RIC1: variants seen among roughly 807,000 people sequenced by gnomAD.
RIC1 encodes the protein guanine nucleotide exchange factor subunit RIC1.
In RIC1, 88 loss-of-function variants were observed where a neutral mutation model predicts 169.0. The observed-to-expected ratio is 0.52, with a 90% CI of 0.44 to 0.62. RIC1 has a LOEUF of 0.62. Ranked by LOEUF, RIC1 falls within the 20% of genes least tolerant of loss-of-function variation. RIC1 has a pLI of 0.00. For missense variants in RIC1, 1,877 were observed against 1,725.5 expected (o/e 1.09, Z -1.56); for synonymous variants, 790 against 601.5 (o/e 1.31, Z -4.59).
chr9:5,758,724 T>A (rs1826156624), intron 17 of RIC1, among the ~76,000 whole-genome samples: 2 of 130,244 alleles, frequency 1.5e-5, no homozygotes, highest in African/African-American at 7.3e-5. Context: ...TCTCCCTTCT[T>A]TTTTTTTTTT....
intron 3 of RIC1, among the ~76,000 whole-genome samples, chr9:5,692,047 C>T (rs867549901): frequency 6.6e-6 from 1 of 152,034 alleles, no homozygotes; most frequent in Non-Finnish European, 1.5e-5. Flanking sequence ...GTGTTTGACT[C>T]TATGTGTTAA....
At chr9:5,756,040 C>T (rs376854864) in intron 15 of RIC1, among the ~76,000 whole-genome samples, 172 bp from the exon 16 acceptor site, 3 of 148,890 alleles carry the variant, frequency 2.0e-5, no homozygotes, top group East Asian at 3.9e-4. Flanking sequence ...GCCTAGTCTG[C>T]AAAAATATGT....
chr9:5,649,949 A>G (rs950231363), intron 1 of RIC1, among the ~76,000 whole-genome samples: 2 of 152,132 alleles, frequency 1.3e-5, no homozygotes, highest in Non-Finnish European at 2.9e-5. Context: ...TTAGCCATAT[A>G]TAGCATTAGT....
At chr9:5,764,977 A>G (rs1169894250) in intron 19 of RIC1, 1 of 154,084 alleles carries the variant, frequency 6.5e-6, no homozygotes, top group Non-Finnish European at 1.4e-5. Context: ...CTATTGCCCA[A>G]AGCAAAGATT....
At chr9:5,769,760 C>G (rs1035274460) in intron 22 of RIC1, 1 of 255,068 alleles carries the variant, frequency 3.9e-6, no homozygotes, top group Non-Finnish European at 7.4e-6. Context: ...ATATTGAAAC[C>G]AAAACTTTTA....
At chr9:5,679,519 G>A (rs1820680619) in intron 2 of RIC1, among the ~76,000 whole-genome samples, 1 of 152,130 alleles carries the variant, frequency 6.6e-6, no homozygotes, top group Admixed American at 6.5e-5. Flanking sequence ...ATTTCATTGG[G>A]CAGTGCTTTG....
chr9:5,629,209 G>A lies in RIC1; in HGVS notation c.-101G>A. 1 of 1,200,942 alleles carries A rather than the reference G, an allele frequency of 8.3e-7. No homozygotes were observed. The highest frequency in any genetic ancestry group is 1.1e-6 in the Non-Finnish European group (1 of 947,506). 74.4% of individuals were successfully genotyped at this position (1,200,942 alleles called of 1,614,324 possible). ...GATGCCCCGAGCTGCCGCCGCCGCC[G>A]CCGCCGACTCGGCCGGTGGCGGTGT... On this transcript the variant is annotated 5_prime_UTR_variant, in exon 1 of 26. Transcript: ENST00000414202.
intron 2 of RIC1, among the ~76,000 whole-genome samples, chr9:5,682,478 A>G (rs1820913789): frequency 6.6e-6 from 1 of 152,120 alleles, no homozygotes; most frequent in Admixed American, 6.5e-5. Context: ...AGAATGTTGA[A>G]TATTGGCCCT....
At chr9:5,677,945 A>T (rs1420509790) in intron 2 of RIC1, among the ~76,000 whole-genome samples, 2 of 151,908 alleles carry the variant, frequency 1.3e-5, no homozygotes, top group African/African-American at 4.8e-5. Context: ...AGTGTGATGC[A>T]CCCATTAACT....
At chr9:5,677,486 A>AT (rs1820521462) in intron 2 of RIC1, among the ~76,000 whole-genome samples, 1 of 152,160 alleles carries the variant, frequency 6.6e-6, no homozygotes, top group African/African-American at 2.4e-5. Context: ...CTTTGTCAAA[A>AT]ATCAGTTGTC....
chr9:5,682,245 T>C (rs1820894870), intron 2 of RIC1, among the ~76,000 whole-genome samples: 1 of 152,244 alleles, frequency 6.6e-6, no homozygotes, highest in South Asian at 2.1e-4. Context: ...TGCAGTTTCT[T>C]CCTAGCCTTG....
chr9:5,723,511 C>G (rs1330370980), intron 6 of RIC1, among the ~76,000 whole-genome samples: 4 of 152,134 alleles, frequency 2.6e-5, no homozygotes. Flanking sequence ...TGTAGGTTGC[C>G]TGTTCACTCT....
In RIC1 at chr9:5,775,206, T is replaced by C. The variant is rs1827515147; in HGVS notation, c.*960T>C. On this transcript the variant is annotated 3_prime_UTR_variant, in exon 26 of 26. Transcript: ENST00000414202. ...ATTAACATAGTCTCTTATTTATTGCTTTTGTAAATTGAATAAAGATGGACT... is the reference window on the plus strand; with the variant it reads ...ATTAACATAGTCTCTTATTTATTGCCTTTGTAAATTGAATAAAGATGGACT... 1 of 152,212 alleles carries C rather than the reference T, an allele frequency of 6.6e-6. No homozygotes were observed. Among genetic ancestry groups the C allele is most frequent in the African/African-American group, 2.4e-5 (1 of 41,450 alleles). The allele number at this position is 152,212 out of a possible 1,614,324, so 9.4% of individuals were successfully genotyped here. A position where few individuals can be genotyped will look rare whatever the true frequency, so the allele number is the denominator to read the frequency against.
intron 2 of RIC1, among the ~76,000 whole-genome samples, chr9:5,689,287 G>A (rs1479726701): frequency 2.6e-5 from 4 of 151,930 alleles, no homozygotes; most frequent in East Asian, 1.9e-4. Flanking sequence ...TCCTGACCTC[G>A]TGATCTGCCC....
At chr9:5,721,651 G>T (rs1178518682) in intron 6 of RIC1, among the ~76,000 whole-genome samples, 1 of 152,148 alleles carries the variant, frequency 6.6e-6, no homozygotes, top group Non-Finnish European at 1.5e-5. Flanking sequence ...GGCACTTTTT[G>T]GGCTTGAAAG....
At chr9:5,639,546 G>T (rs1045640043) in intron 1 of RIC1, among the ~76,000 whole-genome samples, 12 of 152,174 alleles carry the variant, frequency 7.9e-5, no homozygotes, top group Admixed American at 5.9e-4. Context: ...CTGAGGGAAA[G>T]AATGTGTGTT....
intron 3 of RIC1, among the ~76,000 whole-genome samples, chr9:5,699,547 T>C (rs1388737037): frequency 4.6e-5 from 7 of 152,066 alleles, no homozygotes; most frequent in Admixed American, 3.3e-4. Context: ...AACTAAAATA[T>C]AAAAGCAACA....
At chr9:5,639,269 G>C (rs1818122582) in intron 1 of RIC1, among the ~76,000 whole-genome samples, 1 of 152,088 alleles carries the variant, frequency 6.6e-6, no homozygotes, top group African/African-American at 2.4e-5. Context: ...TGCTTTTGCT[G>C]TCTCCCATAA....
chr9:5,684,362 C>G (rs961155002), intron 2 of RIC1, among the ~76,000 whole-genome samples: 4 of 135,028 alleles, frequency 3.0e-5, no homozygotes, highest in African/African-American at 8.5e-5. Flanking sequence ...TACATTGAAT[C>G]TTTGGATCCA....
Sources: gnomAD v4.1 joint callset for allele counts (sites outside exome capture counted in the v4.1 genomes callset) on GRCh38, gnomAD v4.1.1 for gene constraint, MANE v1.5 for transcripts, NCBI Gene and HGNC (gene_info 2026-07-23, HGNC 2026-07-21) for gene names.